Variants in LMBR1 observed in about 807,000 individuals in gnomAD.
LMBR1 encodes the protein limb region 1 protein homolog.
In LMBR1, 52 loss-of-function variants were observed where a neutral mutation model predicts 73.9. That is an observed-to-expected ratio of 0.70 (90% CI 0.56 to 0.89). The LOEUF is 0.89. LMBR1 is among the 40% of genes least tolerant of loss of function. The pLI, the probability that LMBR1 is intolerant of heterozygous loss-of-function variation, is 0.00. For synonymous variants in LMBR1, 215 were observed against 209.4 expected, an observed-to-expected ratio of 1.03 and a Z score of -0.23; for missense variants, 539 against 579.8, an observed-to-expected ratio of 0.93 and a Z score of 0.72.
intron 5 of LMBR1, among the ~76,000 whole-genome samples, chr7:156,791,491 T>C (rs1829220922): frequency 6.6e-6 from 1 of 152,182 alleles, no homozygotes; most frequent in South Asian, 2.1e-4. Context: ...GTCACTTTTA[T>C]GTAAGTTTGC....
chr7:156,891,265 T>C (rs922428571), intron 1 of LMBR1, among the ~76,000 whole-genome samples: 3 of 131,362 alleles, frequency 2.3e-5, no homozygotes, highest in Admixed American at 8.1e-5. Context: ...CACACATATA[T>C]ACATACACAT....
At chr7:156,888,764 A>T (rs1049394106) in intron 1 of LMBR1, among the ~76,000 whole-genome samples, 24 of 151,542 alleles carry the variant, frequency 1.6e-4, no homozygotes, top group African/African-American at 5.1e-4. Context: ...ACAAAAAATT[A>T]AAAAATGAGG....
At chr7:156,845,264 C>T (rs1231052420) in intron 1 of LMBR1, among the ~76,000 whole-genome samples, 1 of 152,090 alleles carries the variant, frequency 6.6e-6, no homozygotes, top group Non-Finnish European at 1.5e-5. Flanking sequence ...AACCAATAAT[C>T]TTATATTCCA....
In LMBR1 at chr7:156,684,653, C is replaced by A. The variant is rs117879882; in HGVS notation, c.1388-490G>T. 1.4e-3 allele frequency among the ~76,000 whole-genome samples: 216 copies of A among 152,308 alleles called. 10 individuals are homozygous for A. The East Asian group carries it at 0.037, about 26-fold the overall frequency. On this transcript the variant is annotated intron_variant, in intron 16 of 16. Transcript: ENST00000353442. ...CCCGAGACAGATACGTTCCCACTTGCATTTTAAAATGCACACACACAGGCT... is the reference window on the plus strand; with the variant it reads ...CCCGAGACAGATACGTTCCCACTTGAATTTTAAAATGCACACACACAGGCT...
intron 4 of LMBR1, among the ~76,000 whole-genome samples, chr7:156,796,927 T>C (rs1299713494): frequency 6.6e-6 from 1 of 152,222 alleles, no homozygotes; most frequent in Non-Finnish European, 1.5e-5. Flanking sequence ...TTAGCATTTA[T>C]TGAGCCCTTA....
chr7:156,817,958 C>T (rs1397336577), intron 4 of LMBR1, among the ~76,000 whole-genome samples: 1 of 152,120 alleles, frequency 6.6e-6, no homozygotes. Flanking sequence ...AATTTCCTAT[C>T]CCAAACACTA....
At chr7:156,845,959 A>G (rs1839511279) in intron 1 of LMBR1, among the ~76,000 whole-genome samples, 1 of 151,692 alleles carries the variant, frequency 6.6e-6, no homozygotes, top group Non-Finnish European at 1.5e-5. Context: ...CAGTACCAAA[A>G]TACCTCAGAA....
chr7:156,761,731 C>T (rs909974286), intron 8 of LMBR1, among the ~76,000 whole-genome samples: 5 of 152,096 alleles, frequency 3.3e-5, no homozygotes, highest in African/African-American at 7.2e-5. Context: ...AATCCCAGCA[C>T]TTTGGGAGGC....
At chr7:156,858,013 A>G (rs1418405681) in intron 1 of LMBR1, among the ~76,000 whole-genome samples, 1 of 151,608 alleles carries the variant, frequency 6.6e-6, no homozygotes, top group African/African-American at 2.4e-5. Flanking sequence ...TCTAAATTGA[A>G]TAAGCTTCTA....
At chr7:156,793,278 A>G (rs2133343736) in intron 5 of LMBR1, among the ~76,000 whole-genome samples, 1 of 152,346 alleles carries the variant, frequency 6.6e-6, no homozygotes, top group East Asian at 1.9e-4. Flanking sequence ...AATATACAAC[A>G]TGAAAGGGCT....
chr7:156,760,577 C>A (rs1177718654), intron 8 of LMBR1, among the ~76,000 whole-genome samples: 1 of 150,740 alleles, frequency 6.6e-6, no homozygotes, highest in Admixed American at 6.6e-5. Flanking sequence ...AAACAAACAA[C>A]AACAAATGTA....
At chr7:156,717,778 G>A (rs1813542229) in intron 15 of LMBR1, among the ~76,000 whole-genome samples, 2 of 152,156 alleles carry the variant, frequency 1.3e-5, no homozygotes, top group Non-Finnish European at 2.9e-5. Flanking sequence ...CAGAAAGAAG[G>A]AGAATGCCAA....
chr7:156,702,524 C>T (rs1184548066), intron 15 of LMBR1, among the ~76,000 whole-genome samples: 3 of 146,638 alleles, frequency 2.0e-5, no homozygotes, highest in East Asian at 4.0e-4. Flanking sequence ...GGATATTAGA[C>T]CTTTGTTAGA....
intron 9 of LMBR1, among the ~76,000 whole-genome samples, chr7:156,739,422 C>T (rs537486208): frequency 7.2e-4 from 110 of 152,300 alleles, no homozygotes; most frequent in African/African-American, 2.6e-3. Context: ...CACTACTAAT[C>T]GTAGAGCCCT....
chr7:156,851,061 T>C (rs1222207857), intron 1 of LMBR1, among the ~76,000 whole-genome samples: 2 of 152,202 alleles, frequency 1.3e-5, no homozygotes, highest in South Asian at 2.1e-4. Context: ...TCTGTCATGA[T>C]TGGAAGCTTT....
At chr7:156,776,589 A>G (rs890577377) in intron 5 of LMBR1, among the ~76,000 whole-genome samples, 1 of 152,102 alleles carries the variant, frequency 6.6e-6, no homozygotes, top group Non-Finnish European at 1.5e-5. Flanking sequence ...TCAGTGCCCT[A>G]GCCTAGCTCT....
chr7:156,825,833 G>A (rs1050528406), intron 4 of LMBR1, among the ~76,000 whole-genome samples: 1 of 152,156 alleles, frequency 6.6e-6, no homozygotes, highest in Non-Finnish European at 1.5e-5. Context: ...AGGAAGCCGC[G>A]GTGAGAGGAC....
At chr7:156,856,810 G>C (rs1797041197) in intron 1 of LMBR1, among the ~76,000 whole-genome samples, 1 of 151,756 alleles carries the variant, frequency 6.6e-6, no homozygotes, top group Non-Finnish European at 1.5e-5. Flanking sequence ...ACAATTTATT[G>C]AAAGTAATAA....
chr7:156,804,034 C>T (rs1034587707), intron 4 of LMBR1, among the ~76,000 whole-genome samples: 1 of 151,164 alleles, frequency 6.6e-6, no homozygotes, highest in African/African-American at 2.4e-5. Context: ...AGGAGATATA[C>T]CTAATGCTAA....
Sources: gnomAD v4.1 joint callset for allele counts (sites outside exome capture counted in the v4.1 genomes callset) on GRCh38, gnomAD v4.1.1 for gene constraint, MANE v1.5 for transcripts, NCBI Gene and HGNC (gene_info 2026-07-23, HGNC 2026-07-21) for gene names.